The following MPZL3 variants were observed in gnomAD, a reference collection of about 807,000 sequenced individuals.
The protein encoded by MPZL3 is myelin protein zero-like protein 3.
MPZL3 carries 23 observed loss-of-function variants against 24.8 expected under a neutral mutation model. The ratio of observed to expected loss-of-function variants is 0.93; its 90% confidence interval spans 0.67 to 1.31. The LOEUF is 1.31. Ranked by LOEUF, MPZL3 falls within the 40% of genes most tolerant of loss-of-function variation. The pLI is 0.00. For synonymous variants in MPZL3, 99 were observed against 106.5 expected, an observed-to-expected ratio of 0.93 and a Z score of 0.44; for missense variants, 277 against 294.9, an observed-to-expected ratio of 0.94 and a Z score of 0.44.
chr11:118,248,430 A>T (rs1247362358), intron 1 of MPZL3, among the ~76,000 whole-genome samples: 1 of 152,202 alleles, frequency 6.6e-6, no homozygotes, highest in Non-Finnish European at 1.5e-5. Context: ...GCTAAATTAT[A>T]GTAAGTACGC....
Position 118,252,223 on chromosome 11 carries a change from C to G in MPZL3, c.72G>C (p.Gln24His). 6.2e-7 allele frequency: 1 copy of G among 1,613,690 alleles called. No homozygotes were observed. Among genetic ancestry groups the G allele is most frequent in the Non-Finnish European group, 8.5e-7 (1 of 1,179,946 alleles). ...LFPLLGVLFF[Q>H]GVYIVFSLEI... Reference sequence around the variant, plus strand: ...AGCGTAGCCAGCCGGAGCACTCACCCTGGAAGAACAGGACGCCCAGCAGAG... The same window carrying G: ...AGCGTAGCCAGCCGGAGCACTCACCGTGGAAGAACAGGACGCCCAGCAGAG... Residue 24 changes from glutamine to histidine, a missense_variant and splice_region_variant, in exon 1 of 6, where the codon CAG becomes CAC. Gln to His is a conservative substitution (Grantham distance 24). Transcript: ENST00000278949.
At chr11:118,245,485 G>C (rs1949548077) in intron 1 of MPZL3, among the ~76,000 whole-genome samples, 1 of 152,206 alleles carries the variant, frequency 6.6e-6, no homozygotes, top group Admixed American at 6.5e-5. Context: ...AAGGATGACT[G>C]TCAGGTTTCC....
chr11:118,241,844 C>T (rs1179212870), intron 1 of MPZL3, among the ~76,000 whole-genome samples: 1 of 152,182 alleles, frequency 6.6e-6, no homozygotes, highest in African/African-American at 2.4e-5. Context: ...ATCTGACCCT[C>T]CCAAAGATGA....
intron 1 of MPZL3, among the ~76,000 whole-genome samples, chr11:118,241,836 C>T (rs1402613731): frequency 6.6e-6 from 1 of 152,220 alleles, no homozygotes; most frequent in Non-Finnish European, 1.5e-5. Flanking sequence ...TCATAAGAAT[C>T]TGACCCTCCC....
In MPZL3 at chr11:118,227,290, C is replaced by T. The variant is rs1353992148; in HGVS notation, c.*2604G>A. On this transcript the variant is annotated 3_prime_UTR_variant, in exon 6 of 6. Transcript: ENST00000278949. Reference sequence around the variant, plus strand: ...TTCTGAACTAAGTTCCCTTTCTAAACGAGGCTGGTTTCCATGGCTGTGACA... The same window carrying T: ...TTCTGAACTAAGTTCCCTTTCTAAATGAGGCTGGTTTCCATGGCTGTGACA... The T allele has an allele frequency of 2.0e-5, 3 of 152,148 alleles. No homozygotes were observed. Among genetic ancestry groups the T allele is most frequent in the South Asian group, 2.1e-4 (1 of 4,826 alleles). 9.4% of individuals were successfully genotyped at this position (152,148 alleles called of 1,614,324 possible). A position where few individuals can be genotyped will look rare whatever the true frequency, so the allele number is the denominator to read the frequency against.
intron 1 of MPZL3, among the ~76,000 whole-genome samples, chr11:118,241,529 T>A (rs1949498924): frequency 6.6e-6 from 1 of 152,144 alleles, no homozygotes. Context: ...ATAACAGTAC[T>A]TACCTCAGAA....
chr11:118,232,581 A>G (rs1949368153), intron 5 of MPZL3, among the ~76,000 whole-genome samples: 2 of 152,106 alleles, frequency 1.3e-5, no homozygotes, highest in South Asian at 4.1e-4. Flanking sequence ...TCACTGTTGA[A>G]TGGATTAATA....
chr11:118,247,446 G>C (rs1949569203), intron 1 of MPZL3, among the ~76,000 whole-genome samples: 1 of 152,138 alleles, frequency 6.6e-6, no homozygotes, highest in Non-Finnish European at 1.5e-5. Context: ...TCAATTTCAA[G>C]CTACACAGGT....
intron 3 of MPZL3, among the ~76,000 whole-genome samples, chr11:118,236,809 T>TA (rs1346379419): frequency 2.0e-5 from 3 of 151,928 alleles, no homozygotes; most frequent in Non-Finnish European, 2.9e-5. Context: ...AAGTTAAAAT[T>TA]AAAAAAAGGG....
intron 1 of MPZL3, among the ~76,000 whole-genome samples, 168 bp from the exon 2 acceptor site, chr11:118,240,545 A>G (rs1949481575): frequency 6.6e-6 from 1 of 152,216 alleles, no homozygotes; most frequent in South Asian, 2.1e-4. Context: ...ATCTGCATTA[A>G]TCAAAGATAG....
intron 1 of MPZL3, 143 bp downstream of exon 1, chr11:118,252,079 G>A (rs1427312203): frequency 9.1e-6 from 7 of 770,052 alleles, no homozygotes; most frequent in African/African-American, 6.9e-5. Flanking sequence ...TGATGACATC[G>A]TCCCAACGTC....
intron 1 of MPZL3, among the ~76,000 whole-genome samples, chr11:118,243,121 C>A (rs912336818): frequency 1.3e-5 from 2 of 152,182 alleles, no homozygotes; most frequent in Admixed American, 6.5e-5. Flanking sequence ...AAAAATCACA[C>A]GACTGGACAA....
intron 2 of MPZL3, 101 bp from the exon 3 acceptor site, chr11:118,237,361 GT>G: frequency 6.5e-6 from 7 of 1,080,474 alleles, no homozygotes; most frequent in South Asian, 1.5e-5. Flanking sequence ...ATAATGGTGT[GT>G]TTTTTTTCAG....
Position 118,227,892 on chromosome 11 carries a change from A to C in MPZL3, c.*2002T>G, listed in dbSNP as rs1167308860. ...CTGCAAAATAGTCCCCCTCACAATG[A>C]GATCTCTATCTTCAAATCTCTGAGA... On this transcript the variant is annotated 3_prime_UTR_variant, in exon 6 of 6. Transcript: ENST00000278949. 1.3e-5 allele frequency: 2 copies of C among 152,196 alleles called. No homozygotes were observed. The highest frequency in any genetic ancestry group is 1.3e-4 in the Admixed American group (2 of 15,280). 9.4% of individuals were successfully genotyped at this position (152,196 alleles called of 1,614,324 possible).
chr11:118,236,229 G>A (rs765029134), intron 3 of MPZL3, among the ~76,000 whole-genome samples: 8 of 152,128 alleles, frequency 5.3e-5, no homozygotes, highest in Admixed American at 1.3e-4. Context: ...GTATGAATGT[G>A]CTCATCTTTG....
intron 2 of MPZL3, among the ~76,000 whole-genome samples, chr11:118,239,543 G>A (rs1949466947): frequency 6.6e-6 from 1 of 152,148 alleles, no homozygotes; most frequent in Non-Finnish European, 1.5e-5. Context: ...AAATTTTATA[G>A]CATTTTAATC....
At chr11:118,235,644 C>T (rs981660400) in intron 3 of MPZL3, 55 bp from the exon 4 acceptor site, 30 of 1,556,210 alleles carry the variant, frequency 1.9e-5, no homozygotes, top group South Asian at 2.3e-5. Context: ...ATGCCTCCTG[C>T]GACATGAGCA....
At chr11:118,243,771 C>CAA (rs1226572066) in intron 1 of MPZL3, among the ~76,000 whole-genome samples, 13 of 116,800 alleles carry the variant, frequency 1.1e-4, no homozygotes, top group Non-Finnish European at 1.5e-4. Context: ...GACTCTGTCT[C>CAA]AAAAAAAAAA....
At chr11:118,250,165 CTAAT>C in intron 1 of MPZL3, among the ~76,000 whole-genome samples, 1 of 123,406 alleles carries the variant, frequency 8.1e-6, no homozygotes, top group Admixed American at 9.1e-5. Context: ...CCACACCTGG[CTAAT>C]TTTTTTTTTT....
Sources: allele counts gnomAD v4.1 joint callset (sites outside exome capture counted in the v4.1 genomes callset), GRCh38; gene constraint gnomAD v4.1.1; transcripts MANE v1.5; gene names NCBI Gene and HGNC (gene_info 2026-07-23, HGNC 2026-07-21).